The following ANXA4 variants were observed in gnomAD, a reference collection of about 807,000 sequenced individuals.
ANXA4 encodes 35-beta calcimedin.
In ANXA4, 39 loss-of-function variants were observed where a neutral mutation model predicts 49.8. That is an observed-to-expected ratio of 0.78 (90% CI 0.61 to 1.02). The LOEUF is 1.02. Ranked by LOEUF, ANXA4 falls within the 50% of genes least tolerant of loss-of-function variation. The pLI is 0.00. For synonymous variants in ANXA4, 134 were observed against 152.5 expected, an observed-to-expected ratio of 0.88 and a Z score of 0.89; for missense variants, 360 against 410.1, an observed-to-expected ratio of 0.88 and a Z score of 1.05.
At chr2:69,654,748 G>A (rs1676373004) in intron 2 of ANXA4, among the ~76,000 whole-genome samples, 1 of 152,146 alleles carries the variant, frequency 6.6e-6, no homozygotes, top group African/African-American at 2.4e-5. Context: ...AACAAAGCTG[G>A]AGGCATCGCA....
intron 1 of ANXA4, among the ~76,000 whole-genome samples, chr2:69,763,276 G>A (rs1171851879): frequency 2.6e-5 from 4 of 152,102 alleles, no homozygotes; most frequent in South Asian, 2.1e-4. Context: ...GGCGCGGGAG[G>A]CCCCAGAACA....
intron 3 of ANXA4, among the ~76,000 whole-genome samples, chr2:69,728,659 TA>T (rs1356285416): frequency 6.6e-6 from 1 of 152,248 alleles, no homozygotes; most frequent in Non-Finnish European, 1.5e-5. Flanking sequence ...AACTTTGTCA[TA>T]AATCAGGTGA....
Position 69,678,291 on chromosome 2 carries a change from T to C in ANXA4, n.766+25009T>C, listed in dbSNP as rs188701858. On this transcript the variant is annotated intron_variant and non_coding_transcript_variant, in intron 2 of 3. Coordinates refer to the ANXA4 transcript ENST00000418066. ...GACAGTTCTAGAAGTAGAATTACTA[T>C]GTAAAGATTACAAATATTTTTACAA... Among the ~76,000 whole-genome samples, 49 of 152,200 alleles carry C rather than the reference T, an allele frequency of 3.2e-4. 1 individual carries two copies. In the East Asian group the frequency reaches 9.5e-3, roughly 29 times the overall value.
At chr2:69,771,094 C>CAAAAA (rs1169928879) in intron 1 of ANXA4, among the ~76,000 whole-genome samples, 8 of 42,008 alleles carry the variant, frequency 1.9e-4, no homozygotes, top group Non-Finnish European at 3.2e-4. Context: ...ACCCTGTCTC[C>CAAAAA]AAAAAAAAAA....
chr2:69,824,661 C>A (rs187853425), intron 12 of ANXA4, among the ~76,000 whole-genome samples: 1 of 152,064 alleles, frequency 6.6e-6, no homozygotes, highest in Non-Finnish European at 1.5e-5. Flanking sequence ...ATTGAAACAA[C>A]GTAAATATCC....
intron 2 of ANXA4, among the ~76,000 whole-genome samples, chr2:69,676,892 C>CA (rs930165728): frequency 2.0e-5 from 3 of 152,014 alleles, no homozygotes; most frequent in Admixed American, 6.5e-5. Flanking sequence ...GGGAAAAAAA[C>CA]AAAAAAACAC....
intron 2 of ANXA4, among the ~76,000 whole-genome samples, chr2:69,717,969 G>A (rs1669693822): frequency 6.6e-6 from 1 of 152,180 alleles, no homozygotes; most frequent in East Asian, 1.9e-4. Flanking sequence ...GGGAAACCCT[G>A]GCTAGGGAGA....
chr2:69,689,776 A>T (rs1314440728), intron 2 of ANXA4, among the ~76,000 whole-genome samples: 1 of 152,180 alleles, frequency 6.6e-6, no homozygotes, highest in African/African-American at 2.4e-5. Context: ...AATATTTTAT[A>T]ATTATGTAAA....
intron 12 of ANXA4, among the ~76,000 whole-genome samples, chr2:69,825,061 T>A (rs1318408681): frequency 1.7e-5 from 2 of 114,772 alleles, no homozygotes; most frequent in East Asian, 4.6e-4. Context: ...AACAAGACTC[T>A]GTCTCAAAAA....
chr2:69,678,017 T>A (rs1677466157), intron 2 of ANXA4, among the ~76,000 whole-genome samples: 1 of 152,204 alleles, frequency 6.6e-6, no homozygotes, highest in Non-Finnish European at 1.5e-5. Flanking sequence ...CTTTTCCCCC[T>A]CCTCTACTGT....
At chr2:69,770,061 C>T (rs1340720906) in intron 1 of ANXA4, among the ~76,000 whole-genome samples, 1 of 152,162 alleles carries the variant, frequency 6.6e-6, no homozygotes, top group Non-Finnish European at 1.5e-5. Flanking sequence ...AAAGACCGTC[C>T]GTAAGTTACT....
At chr2:69,819,395 C>T (rs1403266733) in intron 11 of ANXA4, 57 bp downstream of exon 11, 2 of 1,301,716 alleles carry the variant, frequency 1.5e-6, no homozygotes, top group Non-Finnish European at 2.2e-6. Flanking sequence ...TGTCCACCTT[C>T]TTAAGCTTAC....
intron 4 of ANXA4, among the ~76,000 whole-genome samples, chr2:69,805,419 C>G (rs1380574224): frequency 6.6e-6 from 1 of 152,004 alleles, no homozygotes; most frequent in African/African-American, 2.4e-5. Flanking sequence ...GCCTGACCAA[C>G]ATGGTGAAAC....
chr2:69,706,292 CTTTTTTTTTTTT>C (rs916740716), intron 2 of ANXA4, among the ~76,000 whole-genome samples: 78 of 59,314 alleles, frequency 1.3e-3, no homozygotes, highest in African/African-American at 5.9e-3. Flanking sequence ...GGTACAATTC[CTTTTTTTTTTTT>C]TTTTTTTTTT....
chr2:69,730,324 A>T (rs554896849), intron 3 of ANXA4, among the ~76,000 whole-genome samples: 1 of 152,294 alleles, frequency 6.6e-6, no homozygotes, highest in East Asian at 1.9e-4. Flanking sequence ...CAACATGAGG[A>T]AACCCCATCT....
At chr2:69,806,586 A>T in intron 5 of ANXA4, 88 bp downstream of exon 5, 1 of 1,090,194 alleles carries the variant, frequency 9.2e-7, no homozygotes, top group Non-Finnish European at 1.4e-6. Flanking sequence ...TAAGAAAGAC[A>T]TGGAAGCAAC....
chr2:69,784,933 C>T (rs1469064216), intron 2 of ANXA4, among the ~76,000 whole-genome samples: 1 of 152,152 alleles, frequency 6.6e-6, no homozygotes, highest in Non-Finnish European at 1.5e-5. Context: ...AGGGGCCCAC[C>T]CTACACCAGT....
At chr2:69,818,778 ATT>A in intron 10 of ANXA4, 84 bp downstream of exon 10, 1 of 840,692 alleles carries the variant, frequency 1.2e-6, no homozygotes, top group Admixed American at 2.6e-5. Flanking sequence ...ATATAGAATT[ATT>A]TTTAGAGATA....
upstream of ANXA4, among the ~76,000 whole-genome samples, chr2:69,740,853 A>ATT (rs1351976946): frequency 1.3e-4 from 11 of 84,312 alleles, no homozygotes; most frequent in African/African-American, 5.9e-4. Context: ...GGCTATATAT[A>ATT]TGTTTTTTTT....
Sources: allele counts gnomAD v4.1 joint callset (sites outside exome capture counted in the v4.1 genomes callset), GRCh38; gene constraint gnomAD v4.1.1; transcripts MANE v1.5; gene names NCBI Gene and HGNC (gene_info 2026-07-23, HGNC 2026-07-21).